Variants in PRDM2 observed in about 807,000 individuals in gnomAD.
PRDM2 encodes PR/SET domain 2.
In PRDM2, 30 loss-of-function variants were observed where a neutral mutation model predicts 130.0. The observed-to-expected ratio is 0.23, with a 90% CI of 0.17 to 0.31. The LOEUF is 0.31. Among genes scored for constraint, PRDM2 ranks in the 10% least tolerant of loss-of-function variants. The pLI, the probability that PRDM2 is intolerant of heterozygous loss-of-function variation, is 1.00. For synonymous variants in PRDM2, 871 were observed against 782.4 expected, an observed-to-expected ratio of 1.11 and a Z score of -1.89; for missense variants, 2,011 against 2,108.4, an observed-to-expected ratio of 0.95 and a Z score of 0.90.
chr1:13,821,431 CATTT>C (rs112704883), intron 9 of PRDM2, among the ~76,000 whole-genome samples: 43,483 of 137,932 alleles, frequency 0.32, 7,107 homozygotes, highest in Middle Eastern at 0.4. Context: ...ATGCAGTGAA[CATTT>C]ATTTATTTAT....
chr1:13,782,839 C>G lies in PRDM2; in HGVS notation c.5036+8C>G. ...GGAGCTGAAGGACTTCAGGTAAGCTCAGGAGCTGGTGGGAGGGAAAGACCG... is the reference window on the plus strand; with the variant it reads ...GGAGCTGAAGGACTTCAGGTAAGCTGAGGAGCTGGTGGGAGGGAAAGACCG... On this transcript the variant is annotated splice_region_variant and intron_variant, in intron 8 of 9. Transcript: ENST00000311066. The G allele has an allele frequency of 6.2e-7, 1 of 1,609,288 alleles. No individual in the cohort carries two copies. Among genetic ancestry groups the G allele is most frequent in the Non-Finnish European group, 8.5e-7 (1 of 1,179,676 alleles).
chr1:13,789,623 C>T (rs1644806097), intron 8 of PRDM2, among the ~76,000 whole-genome samples: 1 of 152,178 alleles, frequency 6.6e-6, no homozygotes, highest in Non-Finnish European at 1.5e-5. Context: ...AATGACTCTA[C>T]TAAAATTATA....
intron 8 of PRDM2, among the ~76,000 whole-genome samples, chr1:13,802,069 T>G (rs141616009): frequency 6.6e-6 from 1 of 152,176 alleles, no homozygotes; most frequent in Non-Finnish European, 1.5e-5. Flanking sequence ...TTTGAGGACT[T>G]TGGGGATCAC....
chr1:13,823,085 T>TA, intron 9 of PRDM2, 74 bp from the exon 10 acceptor site: 1 of 1,405,196 alleles, frequency 7.1e-7, no homozygotes, highest in Non-Finnish European at 9.9e-7. Flanking sequence ...TTAAGTGCAA[T>TA]AACGCATGGA....
chr1:13,722,978 C>A, intron 2 of PRDM2: 1 of 395,628 alleles, frequency 2.5e-6, no homozygotes. Context: ...TGTGTCATCC[C>A]ACCGCTCTCT....
intron 8 of PRDM2, chr1:13,786,953 T>G (rs1644753650): frequency 1.0e-6 from 1 of 992,610 alleles, no homozygotes; most frequent in Non-Finnish European, 1.2e-6. Context: ...ATGCACTCAT[T>G]TAAAACGTTT....
intron 1 of PRDM2, among the ~76,000 whole-genome samples, chr1:13,706,536 G>T (rs780056465): frequency 3.3e-5 from 5 of 152,060 alleles, no homozygotes; most frequent in Admixed American, 6.6e-5. Flanking sequence ...TCCTCACACG[G>T]TATCTGAGAA....
At chr1:13,708,712 G>A (rs527866634) in intron 1 of PRDM2, among the ~76,000 whole-genome samples, 2 of 152,260 alleles carry the variant, frequency 1.3e-5, no homozygotes, top group East Asian at 1.9e-4. Context: ...ATATTTGTAG[G>A]TAGGGAAATT....
chr1:13,777,233 T>C (rs971626893), intron 7 of PRDM2, among the ~76,000 whole-genome samples: 1 of 152,108 alleles, frequency 6.6e-6, no homozygotes, highest in East Asian at 1.9e-4. Context: ...AGAGCACTTG[T>C]AGTCCCGCCC....
intron 4 of PRDM2, among the ~76,000 whole-genome samples, chr1:13,735,167 T>G (rs1214331228): frequency 6.6e-6 from 1 of 152,260 alleles, no homozygotes; most frequent in Non-Finnish European, 1.5e-5. Context: ...ATTGCTCTCC[T>G]TGAGCCCTTG....
rs375242894 is a variant in PRDM2, at chr1:13,710,889, T to A, written c.-65-4652T>A. Among the ~76,000 whole-genome samples, 9 of 152,106 alleles carry A rather than the reference T, an allele frequency of 5.9e-5. No homozygotes were observed. In the South Asian group the frequency reaches 1.9e-3, roughly 32 times the overall value. ...ATCACGAGGTCAGGAGATCGAGAGC[T>A]TCCTGGCTAACACAGTGAAACTCCG... On this transcript the variant is annotated intron_variant, in intron 1 of 9. Coordinates refer to ENST00000311066, the MANE Select transcript of PRDM2 (RefSeq NM_001393986.1).
intron 6 of PRDM2, among the ~76,000 whole-genome samples, chr1:13,753,711 A>G (rs1313950496): frequency 6.6e-6 from 1 of 152,146 alleles, no homozygotes; most frequent in Non-Finnish European, 1.5e-5. Context: ...AGGGATGCTG[A>G]GCTGGGCTGG....
At chr1:13,723,474 A>G (rs1050146201) in intron 2 of PRDM2, among the ~76,000 whole-genome samples, 2 of 152,170 alleles carry the variant, frequency 1.3e-5, no homozygotes, top group Admixed American at 6.5e-5. Context: ...GTCAGTGGCA[A>G]TGGGAACTGG....
intron 6 of PRDM2, among the ~76,000 whole-genome samples, chr1:13,760,952 T>C (rs1362796613): frequency 1.3e-5 from 2 of 152,226 alleles, no homozygotes; most frequent in Non-Finnish European, 2.9e-5. Context: ...ATTAAGTGGG[T>C]TTCAAATTAG....
At chr1:13,815,358 C>T (rs1287019400) in intron 8 of PRDM2, among the ~76,000 whole-genome samples, 3 of 152,286 alleles carry the variant, frequency 2.0e-5, no homozygotes, top group South Asian at 2.1e-4. Context: ...GTGATCCACC[C>T]GCCTCAGCCT....
chr1:13,711,905 T>G (rs982290668), intron 1 of PRDM2, among the ~76,000 whole-genome samples: 1 of 152,074 alleles, frequency 6.6e-6, no homozygotes, highest in Non-Finnish European at 1.5e-5. Flanking sequence ...TGGAAAGAAA[T>G]AAGTGCATTC....
At chr1:13,743,689 C>T (rs1643519576) in intron 5 of PRDM2, among the ~76,000 whole-genome samples, 1 of 152,182 alleles carries the variant, frequency 6.6e-6, no homozygotes, top group Non-Finnish European at 1.5e-5. Flanking sequence ...AGTGTAGTGG[C>T]AGTAGGCCTT....
chr1:13,737,797 G>T (rs575560264), intron 4 of PRDM2, among the ~76,000 whole-genome samples: 8 of 152,088 alleles, frequency 5.3e-5, no homozygotes, highest in Admixed American at 2.0e-4. Context: ...CTCTCTTTGG[G>T]AGTTTATTTA....
At chr1:13,737,844 A>G (rs1228455116) in intron 4 of PRDM2, among the ~76,000 whole-genome samples, 1 of 152,176 alleles carries the variant, frequency 6.6e-6, no homozygotes, top group Non-Finnish European at 1.5e-5. Flanking sequence ...TTTAGCACAT[A>G]CCAGGCACTG....
Sources: allele counts gnomAD v4.1 joint callset (sites outside exome capture counted in the v4.1 genomes callset), GRCh38; gene constraint gnomAD v4.1.1; transcripts MANE v1.5; gene names NCBI Gene and HGNC (gene_info 2026-07-23, HGNC 2026-07-21).